Variants in CHRNA4 observed in about 807,000 individuals in gnomAD.
CHRNA4 encodes the protein cholinergic receptor nicotinic alpha 4 subunit.
In CHRNA4, 28 loss-of-function variants were observed where a neutral mutation model predicts 48.9. The ratio of observed to expected loss-of-function variants is 0.57; its 90% CI spans 0.42 to 0.79. The LOEUF (loss-of-function observed/expected upper bound fraction) is 0.79, where lower values mean the gene tolerates loss of function less well. Ranked by LOEUF, CHRNA4 falls within the 30% of genes least tolerant of loss-of-function variation. The pLI, the probability that CHRNA4 is intolerant of heterozygous loss-of-function variation, is 0.00. For missense variants in CHRNA4, 859 were observed against 898.4 expected (o/e 0.96, Z 0.56); for synonymous variants, 425 against 402.3 (o/e 1.06, Z -0.68).
intron 1 of CHRNA4, 170 bp downstream of exon 1, chr20:63,360,920 C>T (rs908879524): frequency 1.1e-4 from 56 of 510,574 alleles, no homozygotes; most frequent in African/African-American, 9.8e-4. Flanking sequence ...TGGCTCAGCC[C>T]GGGTGCGAGC....
chr20:63,344,127 C>T lies in CHRNA4; in HGVS notation c.*2611G>A, dbSNP rs201858019. On this transcript the variant is annotated 3_prime_UTR_variant, in exon 6 of 6. Coordinates refer to ENST00000370263, the MANE Select transcript of CHRNA4 (RefSeq NM_000744.7). The surrounding 1 kb of genome is among the most constrained non-coding windows in gnomAD (Gnocchi z 4.5). ...GAAGAACACTGCTCACAATTAAAAA[C>T]GAAGGAACAGACAGCAAGGAGCTAC... 21 of 453,966 alleles carry T rather than the reference C, an allele frequency of 4.6e-5. No homozygotes were observed. The highest frequency in any genetic ancestry group is 1.0e-4 in the African/African-American group (5 of 49,976). The allele number at this position is 453,966 out of a possible 1,614,324, so 28.1% of individuals were successfully genotyped here.
At chr20:63,359,906 T>C (rs1442148564) in intron 1 of CHRNA4, 33 of 387,454 alleles carry the variant, frequency 8.5e-5, no homozygotes, top group Non-Finnish European at 1.1e-4. Context: ...GCTGTGTGTG[T>C]GTGTGTGTGT....
chr20:63,356,698 G>T, intron 2 of CHRNA4: 1 of 544,864 alleles, frequency 1.8e-6, no homozygotes, highest in Non-Finnish European at 3.3e-6. Context: ...GGACAGGTGT[G>T]GCGGGCATGG....
intron 5 of CHRNA4, 101 bp from the exon 6 acceptor site, chr20:63,346,964 A>C: frequency 5.2e-6 from 8 of 1,537,090 alleles, no homozygotes; most frequent in Non-Finnish European, 7.1e-6. Context: ...TCCACCTCCC[A>C]CCTTCCACCC....
At position 63,350,410 on chromosome 20, in the gene CHRNA4, G is replaced by A. The variant is rs121912262; in HGVS notation, c.1001C>T (p.Ser334Leu). The A allele has an allele frequency of 1.4e-5, 23 of 1,613,816 alleles. No individual in the cohort carries two copies. Among genetic ancestry groups the A allele is most frequent in the South Asian group, 2.2e-5 (2 of 91,092 alleles). The change falls in exon 5 of 6, where the codon TCG (serine) becomes TTG (leucine). Residue 334 changes from serine (S) to leucine (L), a missense_variant. Transcript: ENST00000370263. Reference protein sequence around the residue: ...TVFVLNVHHRSPRTHTMPTWV... With the variant: ...TVFVLNVHHRLPRTHTMPTWV... ...GGTGGGCATGGTGTGCGTGCGTGGC[G>A]AGCGGTGGTGCACGTTGAGCACGAA... is the stretch of plus-strand genomic sequence containing the variant.
chr20:63,348,856 G>C (rs1005549645), intron 5 of CHRNA4, among the ~76,000 whole-genome samples: 2 of 152,164 alleles, frequency 1.3e-5, no homozygotes, highest in Admixed American at 6.5e-5. Context: ...CCTGGTGCTG[G>C]GGTCAGGCAA....
chr20:63,350,628 G>A lies in CHRNA4; in HGVS notation c.783C>T (p.Thr261=), dbSNP rs199650427. The A allele has an allele frequency of 4.0e-5, 64 of 1,614,068 alleles. No individual in the cohort carries two copies. In the South Asian group the frequency reaches 4.2e-4, roughly 11 times the overall value. The change falls in exon 5 of 6, where the codon ACC becomes ACT. Residue 261 remains threonine (T), a synonymous_variant. Transcript: ENST00000370263. ...CGGAGGGCAGGTAGAAGACCAGCACGGTGAGGCAGGAGATGAGCAGGCAGG... is the reference window on the plus strand; with the variant it reads ...CGGAGGGCAGGTAGAAGACCAGCACAGTGAGGCAGGAGATGAGCAGGCAGG... The part of the protein sequence containing the change: ...IIPCLLISCL[T]VLVFYLPSEC...
chr20:63,359,033 C>T (rs1386542876), intron 2 of CHRNA4, among the ~76,000 whole-genome samples: 2 of 51,840 alleles, frequency 3.9e-5, no homozygotes, highest in Non-Finnish European at 7.7e-5. Flanking sequence ...TTCTTGGGCC[C>T]CCCACCAGAA....
rs1035455129 is a variant in CHRNA4, at chr20:63,355,664, C to A, written c.383+311G>T. 10 of 1,129,298 alleles carry A rather than the reference C, an allele frequency of 8.9e-6. No homozygotes were observed. The Admixed American group carries it at 2.2e-4, about 25-fold the overall frequency. The allele number at this position is 1,129,298 out of a possible 1,614,324, so 70.0% of individuals were successfully genotyped here. ...CCCCAGGCCTCAGGACTGGTCCAGG[C>A]AGGGACACTGTGTCCAGGTGCCATA... is the stretch of plus-strand genomic sequence containing the variant. On this transcript the variant is annotated intron_variant, in intron 4 of 5. Transcript: ENST00000370263.
chr20:63,361,034 T>A, intron 1 of CHRNA4, 56 bp downstream of exon 1: 1 of 1,342,902 alleles, frequency 7.4e-7, no homozygotes, highest in African/African-American at 1.5e-5. Context: ...GCTCTGGGGG[T>A]CCCAGGCCAT....
Position 63,349,731 on chromosome 20 carries a change from CAG to C in CHRNA4, c.1678_1679del (p.Leu560ValfsTer187), listed in dbSNP as rs1231314909. On this transcript the variant is annotated frameshift_variant, in exon 5 of 6. Coordinates refer to ENST00000370263, the MANE Select transcript of CHRNA4 (RefSeq NM_000744.7). LOFTEE classifies it high-confidence loss of function. The stretch of plus-strand genomic sequence containing the variant: ...CCACCGCCCGGGTCAGGGCCGGCGA[CAG>C]GGGCAGGTGCGGGGGCGGCGCTTTG... Reference protein sequence around the residue: ...STKAPPPHLPLSPALTRAVEG... With the variant: ...STKAPPPHLPXSPALTRAVEG... 21 of 1,612,816 alleles carry C rather than the reference CAG, an allele frequency of 1.3e-5. No homozygotes were observed. Among genetic ancestry groups the C allele is most frequent in the Non-Finnish European group, 1.2e-5 (14 of 1,179,874 alleles).
intron 4 of CHRNA4, among the ~76,000 whole-genome samples, chr20:63,352,431 C>T (rs974016306): frequency 3.3e-5 from 5 of 152,204 alleles, no homozygotes; most frequent in Admixed American, 6.5e-5. Context: ...CCAACACCGC[C>T]GGCTGGGCTG....
intron 1 of CHRNA4, among the ~76,000 whole-genome samples, chr20:63,360,495 G>C (rs978412566): frequency 1.3e-5 from 2 of 152,180 alleles, no homozygotes; most frequent in Non-Finnish European, 2.9e-5. Context: ...CCTGGGCGCT[G>C]CCATAAGGGG....
At chr20:63,346,991 C>T in intron 5 of CHRNA4, 128 bp from the exon 6 acceptor site, 1 of 1,390,286 alleles carries the variant, frequency 7.2e-7, no homozygotes, top group Non-Finnish European at 1.0e-6. Flanking sequence ...GCCATTGCTG[C>T]TGGTGCACGC....
At position 63,345,093 on chromosome 20, in the gene CHRNA4, G is replaced by A. The variant is rs568586399; in HGVS notation, c.*1645C>T. On this transcript the variant is annotated 3_prime_UTR_variant, in exon 6 of 6. Coordinates refer to ENST00000370263, the MANE Select transcript of CHRNA4 (RefSeq NM_000744.7). This position sits in a 1 kb window ranked among gnomAD's most constrained non-coding sequence, Gnocchi z 5.4. ...CTCCTCCCCACTCACGTCACTGCCC[G>A]CGGGGACACAGCGGCATTTCTGGGG... 1.5e-5 allele frequency: 7 copies of A among 454,076 alleles called. No individual in the cohort carries two copies. Among genetic ancestry groups the A allele is most frequent in the Admixed American group, 2.3e-5 (1 of 42,570 alleles). 28.1% of individuals were successfully genotyped at this position (454,076 alleles called of 1,614,324 possible). A position where few individuals can be genotyped will look rare whatever the true frequency, so the allele number is the denominator to read the frequency against.
rs547951957 is a variant in CHRNA4 at position 63,356,664 on chromosome 20, G to A, written c.229-249C>T. ...AGCAGGAAACTGGAGAGGAGTCGGC[G>A]GCCTCACAGGCTTCCCCAGCTAAGG... On this transcript the variant is annotated intron_variant, in intron 2 of 5. Coordinates refer to ENST00000370263, the MANE Select transcript of CHRNA4 (RefSeq NM_000744.7). 4.0e-5 allele frequency: 23 copies of A among 580,782 alleles called. 1 individual carries two copies. The highest frequency in any genetic ancestry group is 3.5e-4 in the South Asian group (18 of 51,420). 36.0% of individuals were successfully genotyped at this position (580,782 alleles called of 1,614,324 possible).
At chr20:63,355,198 C>G (rs1053028039) in intron 4 of CHRNA4, among the ~76,000 whole-genome samples, 1 of 152,192 alleles carries the variant, frequency 6.6e-6, no homozygotes, top group Non-Finnish European at 1.5e-5. Flanking sequence ...CGCTGGCTGC[C>G]GGGCGCAGGG....
At position 63,349,648 on chromosome 20, in the gene CHRNA4, C is replaced by T. The variant is rs773901886; in HGVS notation, c.1758+5G>A. The T allele has an allele frequency of 6.2e-7, 1 of 1,612,780 alleles. No homozygotes were observed. Among genetic ancestry groups the T allele is most frequent in the Non-Finnish European group, 8.5e-7 (1 of 1,179,900 alleles). On this transcript the variant is annotated splice_donor_5th_base_variant and intron_variant, in intron 5 of 5. Coordinates refer to ENST00000370263, the MANE Select transcript of CHRNA4 (RefSeq NM_000744.7). ...GCGCCCAACACAGCCATGGGCGGGACTTACCGAGAAGTCTGTGTCTTCGGC... is the reference window on the plus strand; with the variant it reads ...GCGCCCAACACAGCCATGGGCGGGATTTACCGAGAAGTCTGTGTCTTCGGC...
At chr20:63,347,099 C>T (rs1429685037) in intron 5 of CHRNA4, among the ~76,000 whole-genome samples, 2 of 152,218 alleles carry the variant, frequency 1.3e-5, no homozygotes, top group Non-Finnish European at 2.9e-5. Context: ...GAGGACCTTG[C>T]AACCCTGGGA....
Sources: gnomAD v4.1 joint callset for allele counts (sites outside exome capture counted in the v4.1 genomes callset) on GRCh38, gnomAD v4.1.1 for gene constraint, Gnocchi (gnomAD v3.1) non-coding constraint, MANE v1.5 for transcripts, NCBI Gene and HGNC (gene_info 2026-07-23, HGNC 2026-07-21) for gene names.